The following NIN variants were observed in gnomAD, a reference collection of about 807,000 sequenced individuals.
The protein encoded by NIN is ninein, also known as glycogen synthase kinase 3 beta-interacting protein.
NIN carries 137 observed loss-of-function variants against 257.6 expected under a neutral mutation model. The observed-to-expected ratio is 0.53, with a 90% CI of 0.46 to 0.61. NIN has a LOEUF of 0.61. Ranked by LOEUF, NIN falls within the 20% of genes least tolerant of loss-of-function variation. NIN has a pLI of 0.00. For missense variants in NIN, 2,439 were observed against 2,501.2 expected (o/e 0.98, Z 0.53); for synonymous variants, 918 against 919.8 (o/e 1.00, Z 0.04).
rs2140527998 is a variant in NIN at position 50,743,504 on chromosome 14, T to C, written c.5213A>G (p.His1738Arg). 6.2e-7 allele frequency: 1 copy of C among 1,613,578 alleles called. No homozygotes were observed. The highest frequency in any genetic ancestry group is 8.5e-7 in the Non-Finnish European group (1 of 1,179,512). ...TTCCTGCTTCATCGTCGCAATTCTA[T>C]GCTCTAAAAGACTTGATTTTGCCAA... Reference protein sequence around the residue: ...DKLAKSSLLEHRIATMKQEQK... With the variant: ...DKLAKSSLLERRIATMKQEQK... The change falls in exon 24 of 31, where the codon CAT (histidine) becomes CGT (arginine). Residue 1738 changes from histidine (H) to arginine (R), a missense_variant. Around this residue, in one of 3 missense-constraint regions of NIN, gnomAD observed 2,043 missense variants for 2,050.2 expected, o/e 1.00. Coordinates refer to ENST00000530997, the MANE Select transcript of NIN (RefSeq NM_020921.4).
chr14:50,806,859 C>A, intron 3 of NIN, 41 bp from the exon 4 acceptor site: 1 of 1,009,168 alleles, frequency 9.9e-7, no homozygotes, highest in Non-Finnish European at 1.5e-6. Flanking sequence ...ATTTCCACAG[C>A]TCTAAGAATG....
rs1024907546 is a variant in NIN at position 50,749,326 on chromosome 14, A to G, written c.4951-1221T>C. On this transcript the variant is annotated intron_variant, in intron 21 of 30. Coordinates refer to ENST00000530997, the MANE Select transcript of NIN (RefSeq NM_020921.4). Reference sequence around the variant, plus strand: ...AAAATTAACTCAAGATGGATTAAAGACTTAAATGTAAGACCCAAAACCATA... The same window carrying G: ...AAAATTAACTCAAGATGGATTAAAGGCTTAAATGTAAGACCCAAAACCATA... 3.9e-5 allele frequency among the ~76,000 whole-genome samples: 6 copies of G among 152,252 alleles called. No individual in the cohort carries two copies. In the East Asian group the frequency reaches 7.7e-4, roughly 20 times the overall value.
intron 9 of NIN, among the ~76,000 whole-genome samples, 167 bp from the exon 10 acceptor site, chr14:50,771,635 A>G (rs924242170): frequency 6.6e-6 from 1 of 152,146 alleles, no homozygotes; most frequent in African/African-American, 2.4e-5. Flanking sequence ...TCTAGAACAC[A>G]GTTAAGTTTT....
rs1358584771 is a variant in NIN at position 50,770,415 on chromosome 14, G to A, written c.1407C>T (p.Ile469=). The A allele has an allele frequency of 2.7e-5, 43 of 1,614,086 alleles. No individual in the cohort carries two copies. The highest frequency in any genetic ancestry group is 3.5e-5 in the Non-Finnish European group (41 of 1,180,048). ...IEKAKTEENY[I]RDRLALSLKE... The stretch of plus-strand genomic sequence containing the variant: ...TTAAAGAGAGGGCAAGGCGGTCCCG[G>A]ATATAGTTCTCTTCTGTTTTTGCCT... Residue 469 remains isoleucine, a synonymous_variant, in exon 12 of 31, where the codon ATC becomes ATT. Coordinates refer to ENST00000530997, the MANE Select transcript of NIN (RefSeq NM_020921.4).
At chr14:50,772,838 T>C in intron 8 of NIN, 111 bp downstream of exon 8, 1 of 880,802 alleles carries the variant, frequency 1.1e-6, no homozygotes, top group South Asian at 1.7e-5. Context: ...TTCTTTTGCT[T>C]CCCTCTCTTT....
At chr14:50,735,759 A>G in intron 27 of NIN, 142 bp from the exon 28 acceptor site, 11 of 1,108,990 alleles carry the variant, frequency 9.9e-6, no homozygotes, top group Non-Finnish European at 1.2e-5. Context: ...AACAAATAAT[A>G]CAATTCAGTG....
chr14:50,773,564 T>C (rs531629449), intron 7 of NIN, among the ~76,000 whole-genome samples: 2 of 152,362 alleles, frequency 1.3e-5, no homozygotes, highest in South Asian at 4.1e-4. Context: ...CAGCAGAATT[T>C]GGTCTGGGAC....
chr14:50,789,768 A>G (rs1458836994), intron 5 of NIN, among the ~76,000 whole-genome samples: 1 of 152,194 alleles, frequency 6.6e-6, no homozygotes, highest in Admixed American at 6.5e-5. Flanking sequence ...TGTAGAAGGG[A>G]CAGAGGTTTC....
intron 17 of NIN, among the ~76,000 whole-genome samples, chr14:50,759,523 T>C (rs1028190740): frequency 3.7e-4 from 56 of 150,936 alleles, no homozygotes; most frequent in Non-Finnish European, 7.1e-4. Flanking sequence ...AGACGGAGTC[T>C]CGCTCTGTCG....
At chr14:50,831,344 G>A (rs2045703161), upstream of NIN, among the ~76,000 whole-genome samples, 1 of 152,116 alleles carries the variant, frequency 6.6e-6, no homozygotes, top group African/African-American at 2.4e-5. Context: ...CGGGGCTCCG[G>A]GTGCGGGTGT....
intron 26 of NIN, among the ~76,000 whole-genome samples, chr14:50,738,837 T>C (rs116066975): frequency 0.022 from 3,418 of 152,262 alleles, 128 homozygotes; most frequent in African/African-American, 0.077. Context: ...TTAAATATCA[T>C]TGGGAGACTA....
intron 4 of NIN, among the ~76,000 whole-genome samples, chr14:50,805,060 A>G (rs1248095189): frequency 6.6e-6 from 1 of 152,240 alleles, no homozygotes; most frequent in Non-Finnish European, 1.5e-5. Context: ...CAGGTTTTGA[A>G]GAAATGGCAG....
At chr14:50,779,766 AAAAAG>A (rs1418396355) in intron 5 of NIN, among the ~76,000 whole-genome samples, 11 of 152,170 alleles carry the variant, frequency 7.2e-5, no homozygotes, top group East Asian at 1.9e-4. Context: ...TCAAAAAAAA[AAAAAG>A]AAAAGAAAAG....
rs142813253 is a variant in NIN at position 50,734,824 on chromosome 14, G to C, written c.5877+692C>G. 6.8e-3 allele frequency among the ~76,000 whole-genome samples: 1,029 copies of C among 151,530 alleles called. 15 individuals carry two copies. Among genetic ancestry groups the C allele is most frequent in the African/African-American group, 0.023 (948 of 41,278 alleles). On this transcript the variant is annotated intron_variant, in intron 28 of 30. Transcript: ENST00000530997. ...CTCAAGTAGCTGGGACTACAGGTAC[G>C]TGCCACCACACCTGGCTAATTTTTG...
intron 3 of NIN, among the ~76,000 whole-genome samples, chr14:50,817,892 T>A (rs1336337746): frequency 6.6e-6 from 1 of 152,024 alleles, no homozygotes; most frequent in Non-Finnish European, 1.5e-5. Flanking sequence ...TTTTTTGTAT[T>A]TTTAGCAGAG....
rs1446828164 is a variant in NIN at position 50,831,085 on chromosome 14, G to A, written c.-155C>T. On this transcript the variant is annotated 5_prime_UTR_variant, in exon 1 of 31. Transcript: ENST00000530997. ...CACTCCGGGCTTGGCGGCGGCAGCG[G>A]GACGGCCGCGCCCAGCGCGCTCGGC... 6.7e-6 allele frequency: 1 copy of A among 149,824 alleles called. No homozygotes were observed. The highest frequency in any genetic ancestry group is 1.5e-5 in the Non-Finnish European group (1 of 67,218). 9.3% of individuals were successfully genotyped at this position (149,824 alleles called of 1,614,324 possible).
In NIN at chr14:50,748,044, A is replaced by G; in HGVS notation, c.5012T>C (p.Ile1671Thr). The change falls in exon 22 of 31, where the codon ATT becomes ACT. Residue 1671 changes from isoleucine to threonine, a missense_variant. Around this residue, in one of 3 missense-constraint regions of NIN, gnomAD observed 2,043 missense variants for 2,050.2 expected, o/e 1.00. Coordinates refer to ENST00000530997, the MANE Select transcript of NIN (RefSeq NM_020921.4). ...ELSEVKIQTH[I>T]VQQENHLLKD... is the part of the protein sequence containing the mutation. ...GAGAAGGTGGTTTTCCTGTTGCACA[A>G]TATGGGTCTGTATTTTAACTTCAGA... The G allele has an allele frequency of 1.9e-6, 3 of 1,614,120 alleles. No homozygotes were observed. Among genetic ancestry groups the G allele is most frequent in the Non-Finnish European group, 1.7e-6 (2 of 1,179,958 alleles).
rs564178673 is a variant in NIN, at chr14:50,820,406, A to G, written c.183+1468T>C. 5.3e-5 allele frequency among the ~76,000 whole-genome samples: 8 copies of G among 152,336 alleles called. No individual in the cohort carries two copies. In the South Asian group the frequency reaches 6.2e-4, roughly 12 times the overall value. ...ATTCCATATTTACGCAGACTCTAAG[A>G]AAACCACTCAAGGAAACCTTAGTTG... On this transcript the variant is annotated intron_variant, in intron 3 of 30. Coordinates refer to ENST00000530997, the MANE Select transcript of NIN (RefSeq NM_020921.4).
chr14:50,744,408 G>T, intron 22 of NIN, 43 bp from the exon 23 acceptor site: 2 of 1,603,856 alleles, frequency 1.2e-6, no homozygotes, highest in Middle Eastern at 3.3e-4. Context: ...ACATCTCATG[G>T]CTGTAAGTAC....
Sources: allele counts gnomAD v4.1 joint callset (sites outside exome capture counted in the v4.1 genomes callset), GRCh38; gene constraint gnomAD v4.1.1; regional missense constraint gnomAD v4.1.1; transcripts MANE v1.5; gene names NCBI Gene and HGNC (gene_info 2026-07-23, HGNC 2026-07-21).